Variants in ACER3 observed in about 807,000 individuals in gnomAD.
The protein encoded by ACER3 is alkaline ceramidase 3, also known as alkCDase 3.
Under a neutral mutation model 48.9 loss-of-function variants are expected in ACER3, and 16 were observed. The observed-to-expected ratio is 0.33, with a 90% CI of 0.22 to 0.50. The LOEUF is 0.50. ACER3 is among the 20% of genes least tolerant of loss of function. The probability of loss-of-function intolerance (pLI) is 0.98; values close to 1 mark genes in which losing one functional copy is unlikely to be tolerated. For missense variants in ACER3, 227 were observed against 326.0 expected, an observed-to-expected ratio of 0.70 and a Z score of 2.34; for synonymous variants, 109 against 107.8, an observed-to-expected ratio of 1.01 and a Z score of -0.07.
At chr11:76,961,378 A>T (rs1328224260) in intron 3 of ACER3, among the ~76,000 whole-genome samples, 1 of 152,138 alleles carries the variant, frequency 6.6e-6, no homozygotes, top group Non-Finnish European at 1.5e-5. Context: ...ATATGTATAC[A>T]TACTTAAATA....
chr11:76,903,966 G>T (rs967859210), intron 1 of ACER3, among the ~76,000 whole-genome samples: 2 of 152,036 alleles, frequency 1.3e-5, no homozygotes, highest in Non-Finnish European at 2.9e-5. Flanking sequence ...ACAAGAACTT[G>T]TTATTGGCTT....
In ACER3 at chr11:77,020,442, G is replaced by C. The variant is rs537850202; in HGVS notation, c.*115G>C. ...ATGTCATGACCATCACAGCAGAGGAGTGACTTTCTGACTAATGCTGCCACC... is the reference window on the plus strand; with the variant it reads ...ATGTCATGACCATCACAGCAGAGGACTGACTTTCTGACTAATGCTGCCACC... On this transcript the variant is annotated 3_prime_UTR_variant, in exon 11 of 11. Coordinates refer to ENST00000532485, the MANE Select transcript of ACER3 (RefSeq NM_018367.7). The C allele has an allele frequency of 8.2e-7, 1 of 1,217,912 alleles. No homozygotes were observed. The highest frequency in any genetic ancestry group is 1.5e-5 in the African/African-American group (1 of 65,154). The allele number at this position is 1,217,912 out of a possible 1,614,324, so 75.4% of individuals were successfully genotyped here. A position where few individuals can be genotyped will look rare whatever the true frequency, so the allele number is the denominator to read the frequency against.
intron 3 of ACER3, among the ~76,000 whole-genome samples, chr11:76,970,103 T>C (rs1948256148): frequency 6.6e-6 from 1 of 152,196 alleles, no homozygotes; most frequent in African/African-American, 2.4e-5. Context: ...GTCAGTCTTA[T>C]GATCTCTATT....
At chr11:76,968,909 A>G (rs1948217565) in intron 3 of ACER3, among the ~76,000 whole-genome samples, 1 of 152,244 alleles carries the variant, frequency 6.6e-6, no homozygotes, top group Non-Finnish European at 1.5e-5. Flanking sequence ...TAAAACACCA[A>G]AAGCAATGGC....
chr11:77,001,607 G>C (rs534192182), intron 7 of ACER3, among the ~76,000 whole-genome samples: 1 of 152,112 alleles, frequency 6.6e-6, no homozygotes, highest in Non-Finnish European at 1.5e-5. Flanking sequence ...GTATATCCTC[G>C]TTCCTGATGT....
intron 1 of ACER3, among the ~76,000 whole-genome samples, chr11:76,917,762 G>C (rs1294934704): frequency 1.3e-5 from 2 of 151,394 alleles, no homozygotes; most frequent in Non-Finnish European, 2.9e-5. Flanking sequence ...ACAGGAGGCT[G>C]AGGTGGGAGG....
intron 2 of ACER3, among the ~76,000 whole-genome samples, 198 bp downstream of exon 2, chr11:76,926,865 T>C (rs569239712): frequency 6.6e-6 from 1 of 152,330 alleles, no homozygotes; most frequent in East Asian, 1.9e-4. Context: ...TTACAAAATA[T>C]TTTAAGCATA....
At chr11:76,994,252 C>A in intron 6 of ACER3, 1 of 449,056 alleles carries the variant, frequency 2.2e-6, no homozygotes. Flanking sequence ...GCCTCAGCCA[C>A]CCAGGTAGCT....
chr11:76,928,853 G>A (rs1946911187), intron 2 of ACER3, among the ~76,000 whole-genome samples: 1 of 152,120 alleles, frequency 6.6e-6, no homozygotes. Flanking sequence ...AGGCTGTTTT[G>A]GTTTCTGTAG....
chr11:76,986,807 G>A (rs1042707277), intron 5 of ACER3, among the ~76,000 whole-genome samples: 3 of 152,166 alleles, frequency 2.0e-5, no homozygotes, highest in African/African-American at 4.8e-5. Flanking sequence ...GCCCACTCCT[G>A]TAATCCCAGC....
At chr11:77,002,738 T>A (rs1555020111) in intron 7 of ACER3, among the ~76,000 whole-genome samples, 1 of 152,164 alleles carries the variant, frequency 6.6e-6, no homozygotes, top group South Asian at 2.1e-4. Flanking sequence ...AATCTGTTTT[T>A]TGGGGCATTT....
chr11:76,935,860 T>C (rs1344750142), intron 2 of ACER3, among the ~76,000 whole-genome samples: 4 of 152,236 alleles, frequency 2.6e-5, no homozygotes, highest in East Asian at 1.9e-4. Flanking sequence ...TACCCACATA[T>C]GGCTTGTGAC....
Position 76,874,902 on chromosome 11 carries a change from T to G in ACER3, c.103+13823T>G, listed in dbSNP as rs187594030. 3.6e-4 allele frequency among the ~76,000 whole-genome samples: 55 copies of G among 152,296 alleles called. No individual in the cohort carries two copies. The East Asian group carries it at 7.7e-3, about 21-fold the overall frequency. ...GAGGTTCAATTAGATTATCTATATG[T>G]CACATATCCTTAAGCTGATGCTTTT... On this transcript the variant is annotated intron_variant, in intron 1 of 10. Coordinates refer to ENST00000532485, the MANE Select transcript of ACER3 (RefSeq NM_018367.7).
intron 1 of ACER3, among the ~76,000 whole-genome samples, chr11:76,910,203 C>T (rs1221441537): frequency 6.6e-6 from 1 of 152,034 alleles, no homozygotes; most frequent in East Asian, 1.9e-4. Flanking sequence ...AGCAAACCAC[C>T]ATGGCACATG....
At chr11:76,971,989 T>C (rs1474248574) in intron 3 of ACER3, among the ~76,000 whole-genome samples, 1 of 152,226 alleles carries the variant, frequency 6.6e-6, no homozygotes, top group Non-Finnish European at 1.5e-5. Context: ...ACATCTCCCC[T>C]AGAAAAGACA....
intron 4 of ACER3, among the ~76,000 whole-genome samples, chr11:76,979,796 A>T (rs1166058632): frequency 6.6e-6 from 1 of 151,972 alleles, no homozygotes; most frequent in African/African-American, 2.4e-5. Context: ...GCCACAGATA[A>T]TATGTAAATA....
At chr11:76,998,899 A>G (rs1163672888) in intron 7 of ACER3, 78 bp downstream of exon 7, 5 of 1,156,462 alleles carry the variant, frequency 4.3e-6, no homozygotes, top group Admixed American at 2.9e-5. Context: ...CTAAATCAAA[A>G]TAACACATAA....
chr11:76,911,967 T>C (rs1946389407), intron 1 of ACER3, among the ~76,000 whole-genome samples: 1 of 152,180 alleles, frequency 6.6e-6, no homozygotes, highest in South Asian at 2.1e-4. Flanking sequence ...GATTCTACCC[T>C]AGGGAATTCA....
rs1284397878 is a variant in ACER3 at position 77,005,988 on chromosome 11, TA to T, written c.497+7168del. On this transcript the variant is annotated intron_variant, in intron 7 of 10. Coordinates refer to ENST00000532485, the MANE Select transcript of ACER3 (RefSeq NM_018367.7). ...ATATATATACATATATATATATATA[TA>T]TATTTTTTTTTTTTTTTGAGCCAGA... Among the ~76,000 whole-genome samples the T allele has an allele frequency of 3.6e-3, 325 of 89,812 alleles. 11 individuals carry two copies. Among genetic ancestry groups the T allele is most frequent in the East Asian group, 4.6e-3 (10 of 2,154 alleles). 58.9% of individuals were successfully genotyped at this position (89,812 alleles called of 152,430 possible).
Sources: gnomAD v4.1 joint callset for allele counts (sites outside exome capture counted in the v4.1 genomes callset) on GRCh38, gnomAD v4.1.1 for gene constraint, MANE v1.5 for transcripts, NCBI Gene and HGNC (gene_info 2026-07-23, HGNC 2026-07-21) for gene names.